AP2B1: variants seen among roughly 807,000 people sequenced by gnomAD.
The protein encoded by AP2B1 is AP-2 complex subunit beta.
A neutral mutation model predicts 102.0 loss-of-function variants in AP2B1; 23 were observed. The observed-to-expected ratio is 0.23, with a 90% CI of 0.16 to 0.32. The LOEUF is 0.32. Ranked by LOEUF, AP2B1 falls within the 10% of genes least tolerant of loss-of-function variation. The probability of loss-of-function intolerance (pLI) is 1.00; values close to 1 mark genes in which losing one functional copy is unlikely to be tolerated. For synonymous variants in AP2B1, 381 were observed against 421.2 expected, an observed-to-expected ratio of 0.90 and a Z score of 1.17; for missense variants, 541 against 1,157.4, an observed-to-expected ratio of 0.47 and a Z score of 7.73.
At chr17:35,660,979 ATTG>A (rs1436031857) in intron 14 of AP2B1, among the ~76,000 whole-genome samples, 5 of 152,190 alleles carry the variant, frequency 3.3e-5, no homozygotes, top group Non-Finnish European at 7.3e-5. Flanking sequence ...CATAGTTAGA[ATTG>A]TGTGGTGGTT....
intron 4 of AP2B1, among the ~76,000 whole-genome samples, chr17:35,606,956 A>G (rs1165613019): frequency 6.7e-6 from 1 of 148,456 alleles, no homozygotes; most frequent in Non-Finnish European, 1.5e-5. Flanking sequence ...CCCGGGCTGG[A>G]GTGCAATGGC....
At chr17:35,639,248 G>A (rs534386277) in intron 10 of AP2B1, among the ~76,000 whole-genome samples, 2 of 152,240 alleles carry the variant, frequency 1.3e-5, no homozygotes, top group South Asian at 2.1e-4. Flanking sequence ...AGGGAGGATC[G>A]CTTGAGCCCA....
intron 20 of AP2B1, among the ~76,000 whole-genome samples, chr17:35,715,729 A>G (rs1162104037): frequency 2.0e-5 from 3 of 152,234 alleles, no homozygotes; most frequent in Non-Finnish European, 2.9e-5. Flanking sequence ...TCTTCCAGCA[A>G]TATTGCATAG....
chr17:35,716,620 AAT>A lies in AP2B1; in HGVS notation c.2627-574_2627-573del, dbSNP rs587774688. 2.6e-3 allele frequency among the ~76,000 whole-genome samples: 389 copies of A among 152,136 alleles called. 1 individual carries two copies. The highest frequency in any genetic ancestry group is 9.2e-3 in the African/African-American group (380 of 41,426). On this transcript the variant is annotated intron_variant, in intron 20 of 21. Coordinates refer to ENST00000610402, the MANE Select transcript of AP2B1 (RefSeq NM_001030006.2). The stretch of plus-strand genomic sequence containing the variant: ...TTTCTGCCTGCTTTGAAAAAAAAAA[AAT>A]CTTAAACATCTAGGTTAATAAATTT...
chr17:35,619,481 T>TA (rs67575374), intron 5 of AP2B1, among the ~76,000 whole-genome samples: 73,202 of 148,810 alleles, frequency 0.49, 17,808 homozygotes, highest in East Asian at 0.52. Context: ...TGTTTCTATT[T>TA]AAAAAAAAAA....
chr17:35,691,438 A>G (rs1467972685), intron 18 of AP2B1, among the ~76,000 whole-genome samples: 1 of 152,212 alleles, frequency 6.6e-6, no homozygotes, highest in African/African-American at 2.4e-5. Context: ...CAAGCGGAAG[A>G]CCTTTTCAGC....
intron 3 of AP2B1, 118 bp from the exon 4 acceptor site, chr17:35,605,587 T>C (rs937631767): frequency 9.2e-6 from 7 of 758,598 alleles, no homozygotes; most frequent in Non-Finnish European, 1.5e-5. Context: ...CAGTTACCAC[T>C]GTGGGGACAT....
chr17:35,709,179 G>C, intron 18 of AP2B1, 45 bp from the exon 19 acceptor site: 1 of 1,535,082 alleles, frequency 6.5e-7, no homozygotes, highest in East Asian at 2.2e-5. Context: ...CCTCCTACCT[G>C]GCTCCCTGCG....
At chr17:35,653,340 T>G (rs1272741559) in intron 13 of AP2B1, among the ~76,000 whole-genome samples, 1 of 152,154 alleles carries the variant, frequency 6.6e-6, no homozygotes, top group Non-Finnish European at 1.5e-5. Flanking sequence ...ATCCCCTGTT[T>G]TTACCACCAT....
At chr17:35,618,074 G>GA (rs1270157322) in intron 5 of AP2B1, among the ~76,000 whole-genome samples, 1 of 152,056 alleles carries the variant, frequency 6.6e-6, no homozygotes, top group Non-Finnish European at 1.5e-5. Context: ...AGAAGATGGG[G>GA]AAAAAATGGA....
intron 11 of AP2B1, 52 bp downstream of exon 11, chr17:35,639,812 A>T: frequency 6.5e-7 from 1 of 1,539,068 alleles, no homozygotes; most frequent in Non-Finnish European, 8.8e-7. Flanking sequence ...CTTTGGGGAG[A>T]TTTCAGAGAA....
chr17:35,650,267 A>G (rs937359206), intron 12 of AP2B1, among the ~76,000 whole-genome samples: 2 of 150,662 alleles, frequency 1.3e-5, no homozygotes, highest in Non-Finnish European at 3.0e-5. Context: ...ATGATTTTTT[A>G]TATTTTTTGT....
At chr17:35,593,909 A>G (rs909222551) in intron 1 of AP2B1, 99 bp from the exon 2 acceptor site, 8 of 573,852 alleles carry the variant, frequency 1.4e-5, no homozygotes, top group Non-Finnish European at 2.1e-5. Context: ...ATTCTTAAAT[A>G]TAAGTGTTCC....
intron 5 of AP2B1, among the ~76,000 whole-genome samples, chr17:35,619,103 A>G (rs2074102192): frequency 6.6e-6 from 1 of 152,222 alleles, no homozygotes; most frequent in African/African-American, 2.4e-5. Context: ...AATCAGATGC[A>G]GACCTTGAGT....
At chr17:35,699,809 T>G (rs2076208826) in intron 18 of AP2B1, among the ~76,000 whole-genome samples, 1 of 152,180 alleles carries the variant, frequency 6.6e-6, no homozygotes, top group Non-Finnish European at 1.5e-5. Context: ...CATGCCTGTG[T>G]AATCCCAGCA....
intron 13 of AP2B1, among the ~76,000 whole-genome samples, chr17:35,651,696 CTG>C (rs1183998227): frequency 6.6e-6 from 1 of 150,434 alleles, no homozygotes; most frequent in Non-Finnish European, 1.5e-5. Context: ...TGTAAATAGA[CTG>C]TGGATACAGA....
In AP2B1 at chr17:35,649,719, GAGATTAC is replaced by G. The variant is rs1468668607; in HGVS notation, c.1537-807_1537-801del. Among the ~76,000 whole-genome samples, 3 of 152,230 alleles carry G rather than the reference GAGATTAC, an allele frequency of 2.0e-5. No homozygotes were observed. In the East Asian group the frequency reaches 5.8e-4, roughly 29 times the overall value. On this transcript the variant is annotated intron_variant, in intron 12 of 21. Transcript: ENST00000610402. ...TATAGTTACATCCCTTGAAACATTA[GAGATTAC>G]AGAATTATGACTATATTAGGACCAT... is the stretch of plus-strand genomic sequence containing the variant.
intron 21 of AP2B1, among the ~76,000 whole-genome samples, chr17:35,720,458 A>C (rs1454846386): frequency 6.6e-6 from 1 of 150,690 alleles, no homozygotes; most frequent in Non-Finnish European, 1.5e-5. Flanking sequence ...GCATGGAATA[A>C]ATGCAAATAA....
intron 17 of AP2B1, among the ~76,000 whole-genome samples, chr17:35,679,130 A>T (rs2075762868): frequency 6.6e-6 from 1 of 152,206 alleles, no homozygotes; most frequent in Non-Finnish European, 1.5e-5. Context: ...ACTAGCTATT[A>T]GTAGACTTCT....
Sources: allele counts gnomAD v4.1 joint callset (sites outside exome capture counted in the v4.1 genomes callset), GRCh38; gene constraint gnomAD v4.1.1; transcripts MANE v1.5; gene names NCBI Gene and HGNC (gene_info 2026-07-23, HGNC 2026-07-21).